The following ZNF274 variants were observed in gnomAD, a reference collection of about 807,000 sequenced individuals.
ZNF274 encodes the protein neurotrophin receptor-interacting factor homolog.
ZNF274 carries 23 observed loss-of-function variants against 42.5 expected under a neutral mutation model. The ratio of observed to expected loss-of-function variants is 0.54; its 90% CI spans 0.39 to 0.77. The LOEUF is 0.77. Ranked by LOEUF, ZNF274 falls within the 30% of genes least tolerant of loss-of-function variation. The pLI is 0.00. For missense variants in ZNF274, 679 were observed against 806.5 expected (o/e 0.84, Z 1.91); for synonymous variants, 292 against 305.4 (o/e 0.96, Z 0.46).
At chr19:58,210,932 T>A (rs1600159378) in intron 6 of ZNF274, 4 of 152,378 alleles carry the variant, frequency 2.6e-5, no homozygotes, top group Admixed American at 2.6e-4. Context: ...GCCAGGCTGG[T>A]CTCGAACTCC....
intron 2 of ZNF274, chr19:58,184,715 A>C (rs970084227): frequency 5.3e-5 from 8 of 152,362 alleles, no homozygotes; most frequent in African/African-American, 1.7e-4. Context: ...AGATAGAAAG[A>C]AGCATCAGGG....
intron 4 of ZNF274, 25 bp from the exon 5 acceptor site, chr19:58,206,695 G>C (rs745366640): frequency 1.2e-4 from 179 of 1,535,568 alleles, no homozygotes; most frequent in Middle Eastern, 3.4e-4. Context: ...GTTCTCATTT[G>C]TCTTGCTCTG....
rs1205379924 is a variant in ZNF274 at position 58,207,208 on chromosome 19, T to C, written c.739+6T>C. On this transcript the variant is annotated splice_donor_region_variant and intron_variant, in intron 5 of 7. Coordinates refer to ENST00000617501, the MANE Select transcript of ZNF274 (RefSeq NM_133502.3). This position sits in a 1 kb window ranked among gnomAD's most constrained non-coding sequence, Gnocchi z 5.6. ...CTGGATGTCTGAGGAGGAAGGTAAG[T>C]AGAAGGGTGGGTAGAGGGACAGCTT... 1.2e-6 allele frequency: 2 copies of C among 1,605,940 alleles called. No individual in the cohort carries two copies. Among genetic ancestry groups the C allele is most frequent in the Admixed American group, 1.7e-5 (1 of 59,402 alleles).
intron 4 of ZNF274, chr19:58,202,572 G>C (rs957990324): frequency 1.3e-5 from 2 of 152,220 alleles, no homozygotes; most frequent in Non-Finnish European, 2.9e-5. Flanking sequence ...GCCATTTGGA[G>C]CTCCAGCTGA....
chr19:58,213,096 A>G lies in ZNF274; in HGVS notation c.1915A>G (p.Arg639Gly). Residue 639 changes from arginine (R) to glycine (G), a missense_variant, in exon 8 of 8, where the codon AGA (arginine) becomes GGA (glycine). Coordinates refer to ENST00000617501, the MANE Select transcript of ZNF274 (RefSeq NM_133502.3). The stretch of plus-strand genomic sequence containing the variant: ...GAGCTCACACCTTATTGGGCACCAG[A>G]GAACCCACAATAGGACAAAGCGAAA... The part of the protein sequence containing the change: ...TQSSHLIGHQ[R>G]THNRTKRKKK... 1 of 1,614,052 alleles carries G rather than the reference A, an allele frequency of 6.2e-7. No individual in the cohort carries two copies. Among genetic ancestry groups the G allele is most frequent in the Non-Finnish European group, 8.5e-7 (1 of 1,179,906 alleles).
chr19:58,187,292 C>T (rs2075711383), intron 4 of ZNF274, among the ~76,000 whole-genome samples: 1 of 152,192 alleles, frequency 6.6e-6, no homozygotes. Context: ...CTGTTACACG[C>T]ATTGTCTACT....
chr19:58,213,026 G>T lies in ZNF274; in HGVS notation c.1845G>T (p.Gly615=). The change falls in exon 8 of 8, where the codon GGG becomes GGT. Residue 615 remains glycine, a synonymous_variant. Coordinates refer to ENST00000617501, the MANE Select transcript of ZNF274 (RefSeq NM_133502.3). ...TCAGACATCAGAGGACTCACACCGG[G>T]GAGCGCCCATATGCATGCAACAAAT... ...HLIRHQRTHT[G]ERPYACNKCG... is the part of the protein sequence containing the mutation. 6.2e-7 allele frequency: 1 copy of T among 1,613,984 alleles called. No individual in the cohort carries two copies. The highest frequency in any genetic ancestry group is 8.5e-7 in the Non-Finnish European group (1 of 1,179,906).
intron 4 of ZNF274, among the ~76,000 whole-genome samples, chr19:58,189,059 T>A (rs1228048795): frequency 3.3e-5 from 5 of 152,104 alleles, no homozygotes; most frequent in Non-Finnish European, 5.9e-5. Context: ...CGGACCAAGT[T>A]GGACATATTT....
chr19:58,189,534 A>G (rs923612994), intron 4 of ZNF274, among the ~76,000 whole-genome samples: 5 of 152,136 alleles, frequency 3.3e-5, no homozygotes, highest in Admixed American at 1.3e-4. Context: ...ACTGGCCTCT[A>G]TGGGCTCTCC....
At chr19:58,199,243 G>A (rs1278628956) in intron 4 of ZNF274, among the ~76,000 whole-genome samples, 1 of 151,758 alleles carries the variant, frequency 6.6e-6, no homozygotes, top group African/African-American at 2.4e-5. Flanking sequence ...GTGGGCGCCT[G>A]TAATCCCAGC....
Position 58,212,304 on chromosome 19 carries a change from G to C in ZNF274, c.1123G>C (p.Val375Leu). 2 of 1,613,984 alleles carry C rather than the reference G, an allele frequency of 1.2e-6. No individual in the cohort carries two copies. Among genetic ancestry groups the C allele is most frequent in the African/African-American group, 1.3e-5 (1 of 75,024 alleles). Residue 375 changes from valine to leucine, a missense_variant, in exon 8 of 8, where the codon GTC becomes CTC. Val to Leu is a conservative substitution (Grantham distance 32). Coordinates refer to ENST00000617501, the MANE Select transcript of ZNF274 (RefSeq NM_133502.3). This position sits in a 1 kb window ranked among gnomAD's most constrained non-coding sequence, Gnocchi z 4.6. ...STLEDTLQGG[V>L]QEVQDTVLKQ... ...ATTAGAAGATACCTTGCAGGGTGGG[G>C]TCCAGGAAGTCCAAGACACAGTGTT... is the stretch of plus-strand genomic sequence containing the variant.
intron 4 of ZNF274, among the ~76,000 whole-genome samples, chr19:58,204,847 G>A (rs1013181117): frequency 1.3e-5 from 2 of 152,164 alleles, no homozygotes; most frequent in Non-Finnish European, 2.9e-5. Context: ...GGTTGACTCA[G>A]AGCCGGGTAT....
At chr19:58,210,757 C>G (rs1417931580) in intron 6 of ZNF274, 1 of 153,420 alleles carries the variant, frequency 6.5e-6, no homozygotes, top group African/African-American at 2.4e-5. Flanking sequence ...TCTTGTTGCC[C>G]AGGCTGGAGT....
chr19:58,201,643 G>A (rs1008269587), intron 4 of ZNF274, among the ~76,000 whole-genome samples: 1 of 151,648 alleles, frequency 6.6e-6, no homozygotes, highest in African/African-American at 2.4e-5. Context: ...CAGCCTCCCA[G>A]GTAGCTGGGA....
intron 4 of ZNF274, among the ~76,000 whole-genome samples, chr19:58,203,916 C>G (rs1211079945): frequency 6.6e-6 from 1 of 152,254 alleles, no homozygotes; most frequent in Non-Finnish European, 1.5e-5. Context: ...AATTGCGCCA[C>G]CTCGCTGGAA....
At chr19:58,201,291 C>A (rs996819374) in intron 4 of ZNF274, among the ~76,000 whole-genome samples, 12 of 149,776 alleles carry the variant, frequency 8.0e-5, no homozygotes, top group African/African-American at 2.5e-4. Flanking sequence ...GGATTACAGG[C>A]GTGAGCCATT....
rs2076044573 is a variant in ZNF274, at chr19:58,211,882, T to C, written c.979+196T>C. 6.6e-6 allele frequency among the ~76,000 whole-genome samples: 1 copy of C among 152,138 alleles called. No individual in the cohort carries two copies. The highest frequency in any genetic ancestry group is 1.5e-5 in the Non-Finnish European group (1 of 68,016). ...TGGCCAGAAGCAGCCTTAGGTCCGGTGAAGGAGTGATTTGCTATCTATCTC... is the reference window on the plus strand; with the variant it reads ...TGGCCAGAAGCAGCCTTAGGTCCGGCGAAGGAGTGATTTGCTATCTATCTC... On this transcript the variant is annotated intron_variant, in intron 7 of 7. Coordinates refer to ENST00000617501, the MANE Select transcript of ZNF274 (RefSeq NM_133502.3). The surrounding 1 kb of genome is among the most constrained non-coding windows in gnomAD (Gnocchi z 4.8).
intron 4 of ZNF274, among the ~76,000 whole-genome samples, chr19:58,204,559 T>C (rs2075958990): frequency 6.6e-6 from 1 of 152,104 alleles, no homozygotes; most frequent in Non-Finnish European, 1.5e-5. Context: ...GCTTCCGGGC[T>C]CTGAAAGATG....
chr19:58,193,125 A>G (rs1281190176), intron 4 of ZNF274, among the ~76,000 whole-genome samples: 2 of 151,718 alleles, frequency 1.3e-5, no homozygotes. Context: ...GTCCAACTGT[A>G]CATTCTTTTT....
Sources: gnomAD v4.1 joint callset for allele counts (sites outside exome capture counted in the v4.1 genomes callset) on GRCh38, gnomAD v4.1.1 for gene constraint, Gnocchi (gnomAD v3.1) non-coding constraint, MANE v1.5 for transcripts, NCBI Gene and HGNC (gene_info 2026-07-23, HGNC 2026-07-21) for gene names.